The following FGGY variants were observed in gnomAD, a reference collection of about 807,000 sequenced individuals.
FGGY encodes FGGY carbohydrate kinase domain-containing protein.
In FGGY, 72 loss-of-function variants were observed where a neutral mutation model predicts 71.3. That is an observed-to-expected ratio of 1.01 (90% CI 0.84 to 1.23). FGGY has a LOEUF of 1.23. FGGY is among the 50% of genes most tolerant of loss of function. The pLI is 0.00. For missense variants in FGGY, 668 were observed against 682.3 expected (o/e 0.98, Z 0.23); for synonymous variants, 251 against 250.3 (o/e 1.00, Z -0.02).
chr1:59,703,174 T>G (rs2097724448), intron 14 of FGGY, among the ~76,000 whole-genome samples: 1 of 152,212 alleles, frequency 6.6e-6, no homozygotes, highest in Non-Finnish European at 1.5e-5. Flanking sequence ...TAATTATTCC[T>G]GCAGCCCTTC....
chr1:59,309,554 T>A (rs189921363), intron 1 of FGGY, among the ~76,000 whole-genome samples: 1 of 152,284 alleles, frequency 6.6e-6, no homozygotes, highest in Admixed American at 6.5e-5. Flanking sequence ...AGAAGAAGCA[T>A]TGGTGCTGTT....
At chr1:59,646,084 A>G (rs1031438748) in intron 11 of FGGY, among the ~76,000 whole-genome samples, 1 of 152,224 alleles carries the variant, frequency 6.6e-6, no homozygotes, top group Non-Finnish European at 1.5e-5. Context: ...GCATCACTAA[A>G]CAGATCCAGA....
At chr1:59,556,614 CAT>C (rs1428614402) in intron 8 of FGGY, among the ~76,000 whole-genome samples, 1 of 152,186 alleles carries the variant, frequency 6.6e-6, no homozygotes, top group Non-Finnish European at 1.5e-5. Context: ...CAAGCTTGAA[CAT>C]CTGCTCATGC....
intron 7 of FGGY, among the ~76,000 whole-genome samples, chr1:59,530,985 A>G (rs1175454679): frequency 6.6e-6 from 1 of 152,246 alleles, no homozygotes; most frequent in Non-Finnish European, 1.5e-5. Context: ...GGCAGTATCA[A>G]TGGAACAAGA....
At position 59,496,345 on chromosome 1, in the gene FGGY, C is replaced by T. The variant is rs570242181; in HGVS notation, c.671-15966C>T. Among the ~76,000 whole-genome samples the T allele has an allele frequency of 1.2e-4, 18 of 152,222 alleles. 1 individual carries two copies. In the South Asian group the frequency reaches 3.1e-3, roughly 26 times the overall value. ...TGTATACCCTGGAATACTACACAGC[C>T]ATTAAAAAGAATAAGATTTTGTCCT... is the stretch of plus-strand genomic sequence containing the variant. On this transcript the variant is annotated intron_variant, in intron 6 of 15. Transcript: ENST00000303721.
intron 7 of FGGY, among the ~76,000 whole-genome samples, chr1:59,538,933 C>CG (rs2095390905): frequency 6.6e-6 from 1 of 151,578 alleles, no homozygotes; most frequent in Non-Finnish European, 1.5e-5. Flanking sequence ...CAACATGGCA[C>CG]GTATATGCAT....
At chr1:59,470,489 A>G (rs1344817316) in intron 6 of FGGY, among the ~76,000 whole-genome samples, 2 of 152,214 alleles carry the variant, frequency 1.3e-5, no homozygotes, top group African/African-American at 4.8e-5. Context: ...ACACGGCCTC[A>G]TGGATACTAT....
intron 4 of FGGY, among the ~76,000 whole-genome samples, chr1:59,365,730 G>T (rs1371826921): frequency 6.6e-6 from 1 of 152,172 alleles, no homozygotes; most frequent in Non-Finnish European, 1.5e-5. Context: ...TGCCTTGCCT[G>T]CCTTGAAGAA....
At chr1:59,707,949 G>A (rs1315997632) in intron 14 of FGGY, among the ~76,000 whole-genome samples, 7 of 152,128 alleles carry the variant, frequency 4.6e-5, no homozygotes, top group Admixed American at 3.9e-4. Context: ...ATTTAAAAAA[G>A]TATCAAAGCT....
At chr1:59,694,991 A>G (rs1198147816) in intron 14 of FGGY, among the ~76,000 whole-genome samples, 1 of 152,210 alleles carries the variant, frequency 6.6e-6, no homozygotes, top group African/African-American at 2.4e-5. Context: ...AGTTTCAAGT[A>G]CCAAAATTGG....
intron 11 of FGGY, among the ~76,000 whole-genome samples, chr1:59,649,961 G>A (rs979147801): frequency 4.1e-5 from 6 of 146,970 alleles, no homozygotes; most frequent in Non-Finnish European, 8.8e-5. Context: ...TTAGCATGAA[G>A]GGTTGTTGAA....
chr1:59,611,024 C>T (rs1159053257), intron 9 of FGGY, among the ~76,000 whole-genome samples: 1 of 152,220 alleles, frequency 6.6e-6, no homozygotes, highest in African/African-American at 2.4e-5. Flanking sequence ...GAAGCTCTAA[C>T]TGGGTGGAGC....
At chr1:59,737,344 A>G (rs1055197446) in intron 14 of FGGY, among the ~76,000 whole-genome samples, 2 of 152,250 alleles carry the variant, frequency 1.3e-5, no homozygotes, top group African/African-American at 4.8e-5. Flanking sequence ...TCCAGACCCC[A>G]GAATGGTAGA....
chr1:59,674,530 T>C (rs1430517116), intron 14 of FGGY, among the ~76,000 whole-genome samples: 2 of 152,106 alleles, frequency 1.3e-5, no homozygotes, highest in African/African-American at 4.8e-5. Context: ...TGAAGGCCTC[T>C]ATCAACAAGA....
intron 6 of FGGY, among the ~76,000 whole-genome samples, chr1:59,460,248 T>C (rs1353618005): frequency 6.6e-6 from 1 of 152,150 alleles, no homozygotes; most frequent in African/African-American, 2.4e-5. Context: ...GGAGATTATA[T>C]CCTGCGCCTG....
intron 5 of FGGY, among the ~76,000 whole-genome samples, chr1:59,389,553 A>G (rs2060463138): frequency 6.6e-6 from 1 of 152,190 alleles, no homozygotes; most frequent in Non-Finnish European, 1.5e-5. Context: ...ACATTGGTAT[A>G]TAAGTATCTT....
intron 6 of FGGY, among the ~76,000 whole-genome samples, chr1:59,511,484 A>C (rs1318234674): frequency 6.6e-6 from 1 of 152,034 alleles, no homozygotes; most frequent in Admixed American, 6.5e-5. Context: ...TTTAACACCT[A>C]GGAGCAGATG....
intron 5 of FGGY, among the ~76,000 whole-genome samples, chr1:59,449,163 GA>G (rs2072030346): frequency 6.6e-6 from 1 of 152,154 alleles, no homozygotes; most frequent in African/African-American, 2.4e-5. Context: ...TCTTTTTGGT[GA>G]ATTGACCCTT....
intron 14 of FGGY, among the ~76,000 whole-genome samples, chr1:59,743,402 C>T (rs2098166871): frequency 6.6e-6 from 1 of 152,172 alleles, no homozygotes; most frequent in Non-Finnish European, 1.5e-5. Flanking sequence ...CCTCCTCTAT[C>T]CATATTGTGT....
Sources: allele counts gnomAD v4.1 joint callset (sites outside exome capture counted in the v4.1 genomes callset), GRCh38; gene constraint gnomAD v4.1.1; transcripts MANE v1.5; gene names NCBI Gene and HGNC (gene_info 2026-07-23, HGNC 2026-07-21).